The following CPEB3 variants were observed in gnomAD, a reference collection of about 807,000 sequenced individuals.
CPEB3 encodes the protein cytoplasmic polyadenylation element binding protein 3.
CPEB3 carries 20 observed loss-of-function variants against 67.2 expected under a neutral mutation model. The observed-to-expected ratio is 0.30, with a 90% CI of 0.21 to 0.43. CPEB3 has a LOEUF of 0.43. Ranked by LOEUF, CPEB3 falls within the 20% of genes least tolerant of loss-of-function variation. The probability of loss-of-function intolerance (pLI) is 1.00; values close to 1 mark genes in which losing one functional copy is unlikely to be tolerated. For missense variants in CPEB3, 746 were observed against 968.6 expected (o/e 0.77, Z 3.05); for synonymous variants, 376 against 393.1 (o/e 0.96, Z 0.51).
chr10:92,191,163 A>T (rs7084837), intron 3 of CPEB3, among the ~76,000 whole-genome samples: 11,668 of 152,078 alleles, frequency 0.077, 1,490 homozygotes, highest in African/African-American at 0.27. Flanking sequence ...GCACTTTGGG[A>T]GGCCGAGGTG....
intron 6 of CPEB3, among the ~76,000 whole-genome samples, chr10:92,127,616 T>C (rs1277536389): frequency 6.6e-6 from 1 of 151,892 alleles, no homozygotes; most frequent in Admixed American, 6.6e-5. Context: ...GAGGTGGAGG[T>C]TGCAGTAGGC....
chr10:92,207,340 T>C (rs1849841132), intron 2 of CPEB3, among the ~76,000 whole-genome samples: 1 of 152,088 alleles, frequency 6.6e-6, no homozygotes, highest in African/African-American at 2.4e-5. Flanking sequence ...AAAGATAAGA[T>C]AATGGTAAGA....
intron 1 of CPEB3, 114 bp from the exon 2 acceptor site, chr10:92,240,475 T>G: frequency 1.0e-6 from 1 of 1,001,624 alleles, no homozygotes; most frequent in African/African-American, 1.7e-5. Flanking sequence ...ACTAGCCAAT[T>G]GCAATGCAAA....
At chr10:92,218,455 A>G (rs1356451011) in intron 2 of CPEB3, among the ~76,000 whole-genome samples, 1 of 152,200 alleles carries the variant, frequency 6.6e-6, no homozygotes, top group Non-Finnish European at 1.5e-5. Flanking sequence ...TCAAAGAGAA[A>G]TTTTGACTTT....
At position 92,097,539 on chromosome 10, in the gene CPEB3, T is replaced by C. The variant is rs140838720; in HGVS notation, c.1573-5595A>G. On this transcript the variant is annotated intron_variant, in intron 7 of 9. Transcript: ENST00000265997. Reference sequence around the variant, plus strand: ...ATCTTCTGTTTCATATAACTGCTTATCTCCAAAGGCAAAATCTTTTTAGGA... The same window carrying C: ...ATCTTCTGTTTCATATAACTGCTTACCTCCAAAGGCAAAATCTTTTTAGGA... Among the ~76,000 whole-genome samples the C allele has an allele frequency of 9.2e-4, 140 of 152,308 alleles. 2 individuals are homozygous for C. The East Asian group carries it at 0.026, about 28-fold the overall frequency.
intron 4 of CPEB3, among the ~76,000 whole-genome samples, chr10:92,162,139 T>C (rs1847516557): frequency 6.6e-6 from 1 of 152,086 alleles, no homozygotes; most frequent in African/African-American, 2.4e-5. Flanking sequence ...AGAGATAGAA[T>C]TCTTTTTTTT....
chr10:92,182,266 TAC>T lies in CPEB3; in HGVS notation c.1166-1249_1166-1248del, dbSNP rs1350209205. Among the ~76,000 whole-genome samples the T allele has an allele frequency of 5.9e-5, 9 of 152,338 alleles. 1 individual carries two copies. In the East Asian group the frequency reaches 1.7e-3, roughly 29 times the overall value. On this transcript the variant is annotated intron_variant, in intron 3 of 9. Transcript: ENST00000265997. ...GTTAAAATGATTGATTTTTACAACA[TAC>T]ACAGTTTTATATTACATAATTGCAA...
chr10:92,277,279 C>T (rs919855385), intron 1 of CPEB3, among the ~76,000 whole-genome samples: 1 of 152,164 alleles, frequency 6.6e-6, no homozygotes, highest in African/African-American at 2.4e-5. Context: ...TGAGATCTTA[C>T]ATTTTGGAAT....
At chr10:92,062,008 G>A (rs1564747625) in intron 9 of CPEB3, among the ~76,000 whole-genome samples, 1 of 152,132 alleles carries the variant, frequency 6.6e-6, no homozygotes. Context: ...TTGGGAAGTG[G>A]AAGCAGGTGG....
In CPEB3 at chr10:92,133,921, C is replaced by T. The variant is rs561846616; in HGVS notation, c.1453+9108G>A. On this transcript the variant is annotated intron_variant, in intron 6 of 9. Transcript: ENST00000265997. ...AGAACCAACAACAACAAAAAAACCA[C>T]GATTATCTCAATAGATGCAGGAAAG... 7.3e-5 allele frequency among the ~76,000 whole-genome samples: 11 copies of T among 151,522 alleles called. No individual in the cohort carries two copies. The East Asian group carries it at 1.7e-3, about 24-fold the overall frequency.
intron 6 of CPEB3, among the ~76,000 whole-genome samples, chr10:92,142,595 A>T (rs1846490003): frequency 6.6e-6 from 1 of 152,222 alleles, no homozygotes; most frequent in South Asian, 2.1e-4. Context: ...GTGGATAAAG[A>T]TAATTTTGTA....
intron 1 of CPEB3, among the ~76,000 whole-genome samples, chr10:92,252,091 G>C (rs947727464): frequency 2.0e-5 from 3 of 151,202 alleles, no homozygotes; most frequent in Admixed American, 2.0e-4. Context: ...ATATATAAAG[G>C]ACTCCTACAA....
At chr10:92,126,232 T>C (rs971042161) in intron 6 of CPEB3, among the ~76,000 whole-genome samples, 10 of 152,168 alleles carry the variant, frequency 6.6e-5, no homozygotes, top group African/African-American at 2.2e-4. Flanking sequence ...TTCAAATCCC[T>C]GCAGCTTGCC....
At chr10:92,176,251 G>A (rs543153723) in intron 4 of CPEB3, among the ~76,000 whole-genome samples, 1 of 152,308 alleles carries the variant, frequency 6.6e-6, no homozygotes, top group South Asian at 2.1e-4. Context: ...TAAGCCTGTT[G>A]CAAACATTCA....
At chr10:92,156,766 T>C (rs1290213573) in intron 4 of CPEB3, among the ~76,000 whole-genome samples, 1 of 152,164 alleles carries the variant, frequency 6.6e-6, no homozygotes, top group Non-Finnish European at 1.5e-5. Context: ...AAAATAATCA[T>C]TTACACAAAC....
intron 9 of CPEB3, among the ~76,000 whole-genome samples, chr10:92,068,089 A>T (rs952006586): frequency 1.1e-4 from 16 of 152,308 alleles, no homozygotes; most frequent in African/African-American, 3.8e-4. Context: ...CAGTTTAAGA[A>T]CTTACTTATT....
chr10:92,172,697 G>T (rs1387794525), intron 4 of CPEB3, among the ~76,000 whole-genome samples: 1 of 152,068 alleles, frequency 6.6e-6, no homozygotes. Context: ...TTGAAAGGGG[G>T]AAAAAAACTG....
chr10:92,107,894 A>T (rs1422461275), intron 7 of CPEB3, among the ~76,000 whole-genome samples: 1 of 152,184 alleles, frequency 6.6e-6, no homozygotes, highest in Non-Finnish European at 1.5e-5. Flanking sequence ...ATTTAATAAG[A>T]AGTAGTCACT....
rs542406135 is a variant in CPEB3, at chr10:92,290,108, G to C, written c.-12+818C>G. ...GATTGTAAAATTCTACATATAAAAA[G>C]AGCTTTAAAAACACATTTTCATTTT... On this transcript the variant is annotated intron_variant, in intron 1 of 9. Transcript: ENST00000265997. Among the ~76,000 whole-genome samples, 125 of 151,918 alleles carry C rather than the reference G, an allele frequency of 8.2e-4. 1 individual carries two copies. The highest frequency in any genetic ancestry group is 2.9e-3 in the African/African-American group (122 of 41,406).
Sources: gnomAD v4.1 joint callset for allele counts (sites outside exome capture counted in the v4.1 genomes callset) on GRCh38, gnomAD v4.1.1 for gene constraint, MANE v1.5 for transcripts, NCBI Gene and HGNC (gene_info 2026-07-23, HGNC 2026-07-21) for gene names.